MTUS2: variants seen among roughly 807,000 people sequenced by gnomAD.
MTUS2 encodes the protein microtubule-associated tumor suppressor candidate 2.
Under a neutral mutation model 114.1 loss-of-function variants are expected in MTUS2, and 40 were observed. The ratio of observed to expected loss-of-function variants is 0.35; its 90% CI spans 0.27 to 0.46. The LOEUF (loss-of-function observed/expected upper bound fraction) is 0.46, where lower values mean the gene tolerates loss of function less well. MTUS2 is among the 20% of genes least tolerant of loss of function. The pLI is 1.00. For missense variants in MTUS2, 1,679 were observed against 1,705.4 expected (o/e 0.98, Z 0.27); for synonymous variants, 688 against 672.0 (o/e 1.02, Z -0.37).
intron 2 of MTUS2, among the ~76,000 whole-genome samples, chr13:29,003,058 C>G (rs543070950): frequency 1.3e-5 from 2 of 152,286 alleles, no homozygotes; most frequent in Admixed American, 1.3e-4. Flanking sequence ...TAAAATAGTT[C>G]AAGAAGAGCA....
intron 5 of MTUS2, among the ~76,000 whole-genome samples, chr13:29,257,363 C>A (rs1337943541): frequency 2.6e-5 from 4 of 152,226 alleles, no homozygotes; most frequent in Non-Finnish European, 5.9e-5. Flanking sequence ...AAGATGTCAT[C>A]ACCATCTTCT....
At chr13:29,223,252 A>C (rs1306664190) in intron 5 of MTUS2, among the ~76,000 whole-genome samples, 1 of 151,894 alleles carries the variant, frequency 6.6e-6, no homozygotes, top group Non-Finnish European at 1.5e-5. Context: ...TCAGCATGGA[A>C]TTTCTCCCCT....
intron 1 of MTUS2, among the ~76,000 whole-genome samples, chr13:28,833,430 C>T (rs1324354328): frequency 6.6e-6 from 1 of 151,942 alleles, no homozygotes; most frequent in Non-Finnish European, 1.5e-5. Context: ...ATTTAATATA[C>T]CATATTAATA....
chr13:29,477,359 C>G (rs928123000), intron 9 of MTUS2, among the ~76,000 whole-genome samples: 8 of 152,102 alleles, frequency 5.3e-5, no homozygotes, highest in Non-Finnish European at 1.2e-4. Context: ...GAGCTTTGTT[C>G]GCTAGCTCAA....
chr13:29,087,419 G>A (rs796666068), intron 4 of MTUS2, among the ~76,000 whole-genome samples: 25 of 152,310 alleles, frequency 1.6e-4, no homozygotes, highest in African/African-American at 5.5e-4. Context: ...TTTTGCATAT[G>A]TTGAACCAAC....
intron 5 of MTUS2, among the ~76,000 whole-genome samples, chr13:29,189,216 A>G (rs565711816): frequency 5.3e-5 from 8 of 152,342 alleles, no homozygotes; most frequent in Admixed American, 4.6e-4. Context: ...GAGGGAAGAG[A>G]ATATTCAGGA....
chr13:29,150,138 C>T lies in MTUS2; in HGVS notation c.2644+49168C>T, dbSNP rs149524105. On this transcript the variant is annotated intron_variant, in intron 5 of 15. Transcript: ENST00000612955. ...GCCATTTTCATGATACTGATTCTTC[C>T]TATTCATGAGCATGGAATGTTTTTC... Among the ~76,000 whole-genome samples the T allele has an allele frequency of 8.0e-3, 1,217 of 152,278 alleles. 12 individuals carry two copies. Among genetic ancestry groups the T allele is most frequent in the African/African-American group, 0.027 (1,138 of 41,558 alleles).
chr13:29,309,440 G>C (rs187385724), intron 6 of MTUS2, among the ~76,000 whole-genome samples: 12 of 152,020 alleles, frequency 7.9e-5, no homozygotes, highest in African/African-American at 2.2e-4. Context: ...GTGGAGGATG[G>C]GGGGAGGGAA....
rs1566172841 is a variant in MTUS2, at chr13:29,389,399, A to ACACGTGTGTGTGTG, written c.3117+29926_3117+29927insCACGTGTGTGTGTG. ...TATATATGTATACACGTGTGTGTAT[A>ACACGTGTGTGTGTG]TATGTATACACGTGTGTGTGTATGT... On this transcript the variant is annotated intron_variant, in intron 8 of 15. Transcript: ENST00000612955. 8.1e-4 allele frequency among the ~76,000 whole-genome samples: 55 copies of ACACGTGTGTGTGTG among 67,994 alleles called. 2 individuals carry two copies. Among genetic ancestry groups the ACACGTGTGTGTGTG allele is most frequent in the Admixed American group, 1.5e-3 (12 of 7,936 alleles). The allele number at this position is 67,994 out of a possible 152,430, so 44.6% of individuals were successfully genotyped here. A position where few individuals can be genotyped will look rare whatever the true frequency, so the allele number is the denominator to read the frequency against.
chr13:29,246,209 C>G (rs1483525976), intron 5 of MTUS2, among the ~76,000 whole-genome samples: 2 of 151,956 alleles, frequency 1.3e-5, no homozygotes, highest in Non-Finnish European at 2.9e-5. Context: ...GAAGTTCTGA[C>G]CCAGGGGGTG....
chr13:29,219,637 T>C (rs1435154797), intron 5 of MTUS2, among the ~76,000 whole-genome samples: 7 of 152,248 alleles, frequency 4.6e-5, no homozygotes, highest in Non-Finnish European at 7.3e-5. Context: ...CATCTTCTAA[T>C]AGAAGACTGT....
chr13:28,906,926 G>T (rs1032738650), intron 2 of MTUS2, among the ~76,000 whole-genome samples: 1 of 151,294 alleles, frequency 6.6e-6, no homozygotes, highest in African/African-American at 2.4e-5. Context: ...TCCTCGAGAA[G>T]AGCAACTCCA....
At chr13:28,991,892 G>A (rs1191028455) in intron 2 of MTUS2, among the ~76,000 whole-genome samples, 1 of 152,070 alleles carries the variant, frequency 6.6e-6, no homozygotes, top group African/African-American at 2.4e-5. Flanking sequence ...GGTTTCTTAG[G>A]ATCAGCCAGT....
chr13:29,023,984 C>T (rs1173577447), intron 2 of MTUS2, among the ~76,000 whole-genome samples: 1 of 152,174 alleles, frequency 6.6e-6, no homozygotes, highest in African/African-American at 2.4e-5. Context: ...ATGAAGTAGC[C>T]TGGGGGAAGA....
chr13:29,120,733 G>A (rs1169294351), intron 5 of MTUS2, among the ~76,000 whole-genome samples: 2 of 152,182 alleles, frequency 1.3e-5, no homozygotes, highest in Non-Finnish European at 2.9e-5. Context: ...AGGATGGGCT[G>A]ATCCCCTTGG....
intron 8 of MTUS2, among the ~76,000 whole-genome samples, chr13:29,407,635 A>G (rs1707502982): frequency 6.6e-6 from 1 of 151,426 alleles, no homozygotes; most frequent in African/African-American, 2.4e-5. Context: ...CCGCCACCAC[A>G]CCCAGCTAAC....
intron 9 of MTUS2, among the ~76,000 whole-genome samples, chr13:29,452,355 C>A (rs1372761513): frequency 6.6e-6 from 1 of 151,962 alleles, no homozygotes; most frequent in Non-Finnish European, 1.5e-5. Flanking sequence ...TGTTTTGTAA[C>A]CCTTTAAAAT....
Position 29,389,355 on chromosome 13 carries a change from A to ACACGTGTGTGTG in MTUS2, c.3117+29882_3117+29883insCACGTGTGTGTG, listed in dbSNP as rs1566172568. 3.5e-4 allele frequency among the ~76,000 whole-genome samples: 29 copies of ACACGTGTGTGTG among 82,638 alleles called. 1 individual carries two copies. The highest frequency in any genetic ancestry group is 4.3e-4 in the South Asian group (1 of 2,314). The allele number at this position is 82,638 out of a possible 152,430, so 54.2% of individuals were successfully genotyped here. On this transcript the variant is annotated intron_variant, in intron 8 of 15. Coordinates refer to ENST00000612955, the MANE Select transcript of MTUS2 (RefSeq NM_001033602.4). ...TATATATGTATGCACGTGTGTGTAT[A>ACACGTGTGTGTG]TATGTATGCACGTGTGTGTATATAT...
chr13:29,124,332 A>G (rs1310272651), intron 5 of MTUS2, among the ~76,000 whole-genome samples: 1 of 152,242 alleles, frequency 6.6e-6, no homozygotes, highest in Non-Finnish European at 1.5e-5. Context: ...ATTACAATAT[A>G]GTATAATACT....
Sources: gnomAD v4.1 joint callset for allele counts (sites outside exome capture counted in the v4.1 genomes callset) on GRCh38, gnomAD v4.1.1 for gene constraint, MANE v1.5 for transcripts, NCBI Gene and HGNC (gene_info 2026-07-23, HGNC 2026-07-21) for gene names.